The following PCDHGA5 variants were observed in gnomAD, a reference collection of about 807,000 sequenced individuals.
The protein encoded by PCDHGA5 is protocadherin gamma-A5.
PCDHGA5 carries 36 observed loss-of-function variants against 56.7 expected under a neutral mutation model. The observed-to-expected ratio is 0.64, with a 90% CI of 0.49 to 0.84. The LOEUF (loss-of-function observed/expected upper bound fraction) is 0.84. Ranked by LOEUF, PCDHGA5 falls within the 40% of genes least tolerant of loss-of-function variation. PCDHGA5 has a pLI of 0.00. For synonymous variants in PCDHGA5, 563 were observed against 520.2 expected, an observed-to-expected ratio of 1.08 and a Z score of -1.12; for missense variants, 1,305 against 1,201.5, an observed-to-expected ratio of 1.09 and a Z score of -1.27.
At position 141,491,303 on chromosome 5, in the gene PCDHGA5, C is replaced by T; in HGVS notation, c.2422-3504C>T. On this transcript the variant is annotated intron_variant, in intron 1 of 3. Coordinates refer to ENST00000518069, the MANE Select transcript of PCDHGA5 (RefSeq NM_018918.3). This position sits in a 1 kb window ranked among gnomAD's most constrained non-coding sequence, Gnocchi z 6.9. ...TTCCTCATACACCCTCCTGAGCGTT[C>T]AGACCTTACCCTTTACCTCATTGTG... 6.2e-7 allele frequency: 1 copy of T among 1,614,132 alleles called. No homozygotes were observed. The highest frequency in any genetic ancestry group is 8.5e-7 in the Non-Finnish European group (1 of 1,179,962).
intron 1 of PCDHGA5, among the ~76,000 whole-genome samples, chr5:141,406,564 C>T (rs1475993893): frequency 6.6e-6 from 1 of 152,164 alleles, no homozygotes; most frequent in African/African-American, 2.4e-5. Flanking sequence ...CACTTCCAAA[C>T]CCTAGTAAAC....
intron 1 of PCDHGA5, chr5:141,403,146 G>A (rs1400601984): frequency 1.9e-6 from 3 of 1,613,938 alleles, no homozygotes; most frequent in African/African-American, 2.7e-5. Flanking sequence ...CGCCGAGTCC[G>A]CATCGTCTCT....
chr5:141,393,007 G>A (rs1486010375), intron 1 of PCDHGA5: 3 of 1,613,850 alleles, frequency 1.9e-6, no homozygotes, highest in East Asian at 2.2e-5. Context: ...CACGGAGTCC[G>A]TATCGTCTCC....
In PCDHGA5 at chr5:141,431,463, C is replaced by T. The variant is rs139195027; in HGVS notation, c.2422-63344C>T. Reference sequence around the variant, plus strand: ...CGCATCCGCGTGATGGTTCTGGATGCGAACGACAACGCACCAGCGTTTGCT... The same window carrying T: ...CGCATCCGCGTGATGGTTCTGGATGTGAACGACAACGCACCAGCGTTTGCT... On this transcript the variant is annotated intron_variant, in intron 1 of 3. Transcript: ENST00000518069. The surrounding 1 kb of genome is among the most constrained non-coding windows in gnomAD (Gnocchi z 4.8). The T allele has an allele frequency of 3.5e-3, 5,640 of 1,613,740 alleles. 51 individuals are homozygous for T. Among genetic ancestry groups the T allele is most frequent in the South Asian group, 0.02 (1,825 of 91,088 alleles).
rs1175280816 is a variant in PCDHGA5 at position 141,511,121 on chromosome 5, C to T, written c.2744C>T (p.Pro915Leu). 2 of 1,614,102 alleles carry T rather than the reference C, an allele frequency of 1.2e-6. No homozygotes were observed. Among genetic ancestry groups the T allele is most frequent in the African/African-American group, 1.3e-5 (1 of 74,938 alleles). Residue 915 changes from proline (P) to leucine (L), a missense_variant, in exon 4 of 4, where the codon CCA becomes CTA. Transcript: ENST00000518069. ...GCTGGCAAGCGGGATGGCAAGGCCCCAGCAGGTGGCAATGGCAACAAGAAG... is the reference window on the plus strand; with the variant it reads ...GCTGGCAAGCGGGATGGCAAGGCCCTAGCAGGTGGCAATGGCAACAAGAAG... ...NAAGKRDGKA[P>L]AGGNGNKKKS...
intron 1 of PCDHGA5, chr5:141,441,260 A>G (rs1217151195): frequency 1.3e-5 from 2 of 152,222 alleles, no homozygotes; most frequent in Non-Finnish European, 2.9e-5. Context: ...AAATCACAAG[A>G]TCTGGATTCG....
intron 1 of PCDHGA5, among the ~76,000 whole-genome samples, chr5:141,454,985 A>G (rs1292477757): frequency 1.3e-5 from 2 of 150,314 alleles, no homozygotes; most frequent in African/African-American, 4.9e-5. Context: ...TTTTTTAAAA[A>G]ATATTTTTAG....
rs2099627530 is a variant in PCDHGA5, at chr5:141,486,292, T to C, written c.2422-8515T>C. On this transcript the variant is annotated intron_variant, in intron 1 of 3. Transcript: ENST00000518069. This position sits in a 1 kb window ranked among gnomAD's most constrained non-coding sequence, Gnocchi z 5.0. ...CTGGCACTGTGGTGGCACTTATCAGTGTGCAGGATCCAGACTCAGGGTCAA... is the reference window on the plus strand; with the variant it reads ...CTGGCACTGTGGTGGCACTTATCAGCGTGCAGGATCCAGACTCAGGGTCAA... 5 of 1,613,970 alleles carry C rather than the reference T, an allele frequency of 3.1e-6. No individual in the cohort carries two copies. The highest frequency in any genetic ancestry group is 4.2e-6 in the Non-Finnish European group (5 of 1,179,982).
At chr5:141,418,895 GAA>G (rs746676640) in intron 1 of PCDHGA5, 1 of 1,613,998 alleles carries the variant, frequency 6.2e-7, no homozygotes, top group Admixed American at 1.7e-5. Flanking sequence ...CAACAGCCCA[GAA>G]ATAATCATCA....
chr5:141,374,731 T>C (rs922018990), intron 1 of PCDHGA5: 7 of 1,610,566 alleles, frequency 4.3e-6, no homozygotes, highest in Non-Finnish European at 4.2e-6. Flanking sequence ...CTGCCATGGA[T>C]GGCGGCGACC....
At chr5:141,401,656 T>G (rs1400500695) in intron 1 of PCDHGA5, among the ~76,000 whole-genome samples, 1 of 152,248 alleles carries the variant, frequency 6.6e-6, no homozygotes, top group East Asian at 1.9e-4. Context: ...AATGACTGGA[T>G]GTTTTCTCAA....
chr5:141,370,825 A>C, intron 1 of PCDHGA5: 3 of 1,614,070 alleles, frequency 1.9e-6, no homozygotes, highest in Non-Finnish European at 2.5e-6. Context: ...GAAATCAGCG[A>C]ACTGGCTCTC....
chr5:141,422,165 A>G (rs771382434), intron 1 of PCDHGA5: 3 of 1,569,306 alleles, frequency 1.9e-6, no homozygotes, highest in Admixed American at 4.0e-5. Flanking sequence ...TTTGAAAAAT[A>G]TAGATTCTAT....
chr5:141,460,224 T>C (rs986301555), intron 1 of PCDHGA5, among the ~76,000 whole-genome samples: 1 of 152,168 alleles, frequency 6.6e-6, no homozygotes, highest in African/African-American at 2.4e-5. Context: ...GTTGTGTCTT[T>C]TGAAGAGCAG....
intron 2 of PCDHGA5, among the ~76,000 whole-genome samples, chr5:141,501,290 TACACACACACACACACACACACAC>T (rs55762287): frequency 7.3e-6 from 1 of 136,162 alleles, no homozygotes; most frequent in African/African-American, 2.7e-5. Flanking sequence ...TATTCCCTTA[TACACACACACACACACACACACAC>T]ACACACACAC....
In PCDHGA5 at chr5:141,489,873, G is replaced by A. The variant is rs1252665956; in HGVS notation, c.2422-4934G>A. The A allele has an allele frequency of 4.3e-6, 7 of 1,614,224 alleles. No homozygotes were observed. The highest frequency in any genetic ancestry group is 5.9e-6 in the Non-Finnish European group (7 of 1,180,030). On this transcript the variant is annotated intron_variant, in intron 1 of 3. Coordinates refer to ENST00000518069, the MANE Select transcript of PCDHGA5 (RefSeq NM_018918.3). The surrounding 1 kb of genome is among the most constrained non-coding windows in gnomAD (Gnocchi z 4.5). Reference sequence around the variant, plus strand: ...AAGCCCAGGCAAGACATCAGCTGGTGCTTACTGCTGTGGATGGGGGGACCC... The same window carrying A: ...AAGCCCAGGCAAGACATCAGCTGGTACTTACTGCTGTGGATGGGGGGACCC...
chr5:141,408,144 G>T (rs868032463), intron 1 of PCDHGA5: 1 of 1,496,068 alleles, frequency 6.7e-7, no homozygotes, highest in South Asian at 1.3e-5. Context: ...CTTTTAGCGC[G>T]GTAGAGTGCA....
rs142995927 is a variant in PCDHGA5, at chr5:141,489,933, C to T, written c.2422-4874C>T. 38 of 1,614,064 alleles carry T rather than the reference C, an allele frequency of 2.4e-5. No homozygotes were observed. The highest frequency in any genetic ancestry group is 1.8e-4 in the South Asian group (16 of 91,084). On this transcript the variant is annotated intron_variant, in intron 1 of 3. Transcript: ENST00000518069. This position sits in a 1 kb window ranked among gnomAD's most constrained non-coding sequence, Gnocchi z 4.5. ...CAGGGACCACCCTTATCTCTGTCAT[C>T]GTGCTGGACATCAATGATAATGCTC...
At position 141,385,515 on chromosome 5, in the gene PCDHGA5, C is replaced by A. The variant is rs549682834; in HGVS notation, c.2421+18764C>A. On this transcript the variant is annotated intron_variant, in intron 1 of 3. Coordinates refer to ENST00000518069, the MANE Select transcript of PCDHGA5 (RefSeq NM_018918.3). ...GGATATAGTATTTCTTTAGTGAAAG[C>A]CTATGGACAAGATTATGAATATGTG... The A allele has an allele frequency of 5.6e-5, 76 of 1,362,798 alleles. No homozygotes were observed. The East Asian group carries it at 1.7e-3, about 31-fold the overall frequency. 84.4% of individuals were successfully genotyped at this position (1,362,798 alleles called of 1,614,324 possible).
Sources: allele counts gnomAD v4.1 joint callset (sites outside exome capture counted in the v4.1 genomes callset), GRCh38; gene constraint gnomAD v4.1.1; non-coding constraint Gnocchi (gnomAD v3.1); transcripts MANE v1.5; gene names NCBI Gene and HGNC (gene_info 2026-07-23, HGNC 2026-07-21).